The following GTF2A1 variants were observed in gnomAD, a reference collection of about 807,000 sequenced individuals.
The protein encoded by GTF2A1 is general transcription factor IIA subunit 1.
Under a neutral mutation model 54.1 loss-of-function variants are expected in GTF2A1, and 12 were observed. The observed-to-expected ratio is 0.22, with a 90% CI of 0.14 to 0.36. GTF2A1 has a LOEUF of 0.36. Among genes scored for constraint, GTF2A1 ranks in the 10% least tolerant of loss-of-function variants. The pLI is 1.00. For missense variants in GTF2A1, 335 were observed against 442.2 expected, an observed-to-expected ratio of 0.76 and a Z score of 2.17; for synonymous variants, 145 against 152.0, an observed-to-expected ratio of 0.95 and a Z score of 0.34.
intron 8 of GTF2A1, among the ~76,000 whole-genome samples, chr14:81,184,083 TA>T (rs1184089696): frequency 6.6e-6 from 1 of 152,202 alleles, no homozygotes; most frequent in East Asian, 1.9e-4. Flanking sequence ...CTTACTAATT[TA>T]AAACAGTAAA....
At chr14:81,204,665 A>G (rs1171586057) in intron 2 of GTF2A1, among the ~76,000 whole-genome samples, 5 of 152,218 alleles carry the variant, frequency 3.3e-5, no homozygotes, top group Non-Finnish European at 5.9e-5. Context: ...CAACGCCCGA[A>G]GGTCTTAGTA....
At position 81,177,361 on chromosome 14, in the gene GTF2A1, A is replaced by G. The variant is rs1892550796; in HGVS notation, c.*2862T>C. ...ACATTTTACTCTAGAAATTAATTGC[A>G]CATTAAAGAGTTGTTTTAGCCATAT... On this transcript the variant is annotated 3_prime_UTR_variant, in exon 9 of 9. Transcript: ENST00000553612. 1 of 152,178 alleles carries G rather than the reference A, an allele frequency of 6.6e-6. No homozygotes were observed. Among genetic ancestry groups the G allele is most frequent in the Non-Finnish European group, 1.5e-5 (1 of 67,980 alleles). The allele number at this position is 152,178 out of a possible 1,614,324, so 9.4% of individuals were successfully genotyped here.
intron 2 of GTF2A1, among the ~76,000 whole-genome samples, chr14:81,211,902 T>A (rs1027951441): frequency 1.4e-5 from 2 of 139,294 alleles, no homozygotes; most frequent in African/African-American, 5.4e-5. Flanking sequence ...TATATATATA[T>A]ATATATAACT....
chr14:81,220,798 C>A lies in GTF2A1; in HGVS notation c.-280G>T. 1 of 346,480 alleles carries A rather than the reference C, an allele frequency of 2.9e-6. No homozygotes were observed. The highest frequency in any genetic ancestry group is 5.2e-6 in the Non-Finnish European group (1 of 191,750). The allele number at this position is 346,480 out of a possible 1,614,324, so 21.5% of individuals were successfully genotyped here. On this transcript the variant is annotated 5_prime_UTR_variant, in exon 1 of 9. Coordinates refer to ENST00000553612, the MANE Select transcript of GTF2A1 (RefSeq NM_015859.4). ...CGGGGGGCGTTGCCCGCTCCCCACCCCGCGCCAAGGAGGGAAACCACCACC... is the reference window on the plus strand; with the variant it reads ...CGGGGGGCGTTGCCCGCTCCCCACCACGCGCCAAGGAGGGAAACCACCACC...
intron 7 of GTF2A1, among the ~76,000 whole-genome samples, chr14:81,190,326 C>T (rs747708479): frequency 6.7e-6 from 1 of 149,720 alleles, no homozygotes; most frequent in East Asian, 1.9e-4. Context: ...TTTAACAAAG[C>T]TACCATAACT....
intron 7 of GTF2A1, among the ~76,000 whole-genome samples, chr14:81,189,582 A>G (rs1892829105): frequency 6.6e-6 from 1 of 152,118 alleles, no homozygotes; most frequent in Non-Finnish European, 1.5e-5. Flanking sequence ...GAGGCAGGAG[A>G]ATGGCGTAAA....
intron 1 of GTF2A1, 42 bp downstream of exon 1, chr14:81,220,447 G>C: frequency 6.8e-7 from 1 of 1,480,904 alleles, no homozygotes; most frequent in Non-Finnish European, 9.2e-7. Context: ...CGTTGCTGCA[G>C]CCTGAACGAA....
chr14:81,214,043 A>G (rs1437645901), intron 2 of GTF2A1, among the ~76,000 whole-genome samples: 5 of 151,922 alleles, frequency 3.3e-5, no homozygotes, highest in African/African-American at 1.2e-4. Context: ...GGGTTTCACC[A>G]TGTTGGCCAG....
At chr14:81,192,450 T>C in intron 7 of GTF2A1, 69 bp downstream of exon 7, 1 of 1,120,670 alleles carries the variant, frequency 8.9e-7, no homozygotes, top group South Asian at 1.5e-5. Context: ...ATATAATTTA[T>C]CAGTGTTGTA....
Position 81,220,817 on chromosome 14 carries a change from C to T in GTF2A1, c.-299G>A. The stretch of plus-strand genomic sequence containing the variant: ...CCCACCCCGCGCCAAGGAGGGAAAC[C>T]ACCACCGGTCACCGCTCCCTGCGCC... On this transcript the variant is annotated 5_prime_UTR_variant, in exon 1 of 9. Transcript: ENST00000553612. The T allele has an allele frequency of 3.0e-6, 1 of 328,708 alleles. No homozygotes were observed. Among genetic ancestry groups the T allele is most frequent in the Non-Finnish European group, 5.5e-6 (1 of 181,558 alleles). 20.4% of individuals were successfully genotyped at this position (328,708 alleles called of 1,614,324 possible).
rs981418356 is a variant in GTF2A1 at position 81,220,414 on chromosome 14, T to G, written c.30+75A>C. On this transcript the variant is annotated intron_variant, in intron 1 of 8. Coordinates refer to ENST00000553612, the MANE Select transcript of GTF2A1 (RefSeq NM_015859.4). The stretch of plus-strand genomic sequence containing the variant: ...GAGTCGAGGCCGGGAGTCGCCGCCG[T>G]CCCCGCCCCCGCCCGGTCCGGCCGT... 24 of 1,049,752 alleles carry G rather than the reference T, an allele frequency of 2.3e-5. 1 individual carries two copies. Among genetic ancestry groups the G allele is most frequent in the East Asian group, 6.3e-5 (2 of 31,524 alleles). 65.0% of individuals were successfully genotyped at this position (1,049,752 alleles called of 1,614,324 possible).
chr14:81,204,653 G>A (rs561971670), intron 2 of GTF2A1, among the ~76,000 whole-genome samples: 13 of 152,166 alleles, frequency 8.5e-5, no homozygotes, highest in African/African-American at 1.7e-4. Flanking sequence ...AAAAAGAACC[G>A]GCAACGCCCG....
intron 2 of GTF2A1, chr14:81,210,084 C>G: frequency 3.0e-6 from 1 of 336,864 alleles, no homozygotes; most frequent in South Asian, 2.3e-5. Flanking sequence ...TTCCTGGCTC[C>G]TGCCTAATAA....
chr14:81,189,059 A>G (rs1465729780), intron 7 of GTF2A1, among the ~76,000 whole-genome samples: 1 of 152,232 alleles, frequency 6.6e-6, no homozygotes, highest in Non-Finnish European at 1.5e-5. Flanking sequence ...AAAAAGATTA[A>G]GTTTACAGAT....
chr14:81,199,198 A>G (rs1893052911), intron 4 of GTF2A1, among the ~76,000 whole-genome samples: 2 of 152,222 alleles, frequency 1.3e-5, no homozygotes, highest in African/African-American at 4.8e-5. Context: ...TCTACCAGCA[A>G]ACTGACATAG....
At chr14:81,194,460 G>A (rs1270298988) in intron 6 of GTF2A1, among the ~76,000 whole-genome samples, 1 of 152,216 alleles carries the variant, frequency 6.6e-6, no homozygotes, top group Non-Finnish European at 1.5e-5. Context: ...GTAACATCAA[G>A]TGAAACCCAG....
At position 81,177,508 on chromosome 14, in the gene GTF2A1, T is replaced by C. The variant is rs377251836; in HGVS notation, c.*2715A>G. ...CATTTCCATGTTTTATCTTGTAATT[T>C]TGTGTAAATTTTCCTTAGCACTGTT... On this transcript the variant is annotated 3_prime_UTR_variant, in exon 9 of 9. Coordinates refer to ENST00000553612, the MANE Select transcript of GTF2A1 (RefSeq NM_015859.4). 2.0e-5 allele frequency: 3 copies of C among 152,142 alleles called. No individual in the cohort carries two copies. The highest frequency in any genetic ancestry group is 4.1e-4 in the South Asian group (2 of 4,832). 9.4% of individuals were successfully genotyped at this position (152,142 alleles called of 1,614,324 possible). A position where few individuals can be genotyped will look rare whatever the true frequency, so the allele number is the denominator to read the frequency against.
intron 4 of GTF2A1, among the ~76,000 whole-genome samples, chr14:81,200,649 C>T (rs549028103): frequency 8.2e-4 from 121 of 148,226 alleles, no homozygotes; most frequent in African/African-American, 2.9e-3. Flanking sequence ...AAAACTTGAA[C>T]GGAGGGAAAA....
At chr14:81,194,056 G>C (rs1337691086) in intron 6 of GTF2A1, among the ~76,000 whole-genome samples, 2 of 152,200 alleles carry the variant, frequency 1.3e-5, no homozygotes, top group Admixed American at 1.3e-4. Flanking sequence ...TTAGTAAGTA[G>C]TTTCTGTTTG....
Sources: gnomAD v4.1 joint callset for allele counts (sites outside exome capture counted in the v4.1 genomes callset) on GRCh38, gnomAD v4.1.1 for gene constraint, MANE v1.5 for transcripts, NCBI Gene and HGNC (gene_info 2026-07-23, HGNC 2026-07-21) for gene names.